The following PDXDC1 variants were observed in gnomAD, a reference collection of about 807,000 sequenced individuals.
PDXDC1 encodes pyridoxal-dependent decarboxylase domain-containing protein 1.
A neutral mutation model predicts 100.1 loss-of-function variants in PDXDC1; 42 were observed. The ratio of observed to expected loss-of-function variants is 0.42; its 90% confidence interval spans 0.33 to 0.54. The LOEUF is 0.54. PDXDC1 is among the 20% of genes least tolerant of loss of function. The probability of loss-of-function intolerance (pLI) is 0.10; values close to 1 mark genes in which losing one functional copy is unlikely to be tolerated. For synonymous variants in PDXDC1, 260 were observed against 371.7 expected, an observed-to-expected ratio of 0.70 and a Z score of 3.46; for missense variants, 636 against 979.2, an observed-to-expected ratio of 0.65 and a Z score of 4.68.
At chr16:15,060,103 C>G in intron 16 of PDXDC1, 1 of 336,500 alleles carries the variant, frequency 3.0e-6, no homozygotes, top group Non-Finnish European at 5.9e-6. Context: ...TTCATTTTCA[C>G]CATGGATTTT....
chr16:15,038,411 C>A, downstream of PDXDC1: 1 of 623,138 alleles, frequency 1.6e-6, no homozygotes, highest in South Asian at 2.1e-5. Flanking sequence ...CTTGACATAT[C>A]CCCATTTGAT....
chr16:15,010,449 A>G (rs1045790522), intron 8 of PDXDC1: 2 of 154,626 alleles, frequency 1.3e-5, no homozygotes, highest in African/African-American at 4.8e-5. Context: ...CAGAAGTTCA[A>G]TACCAGTCTG....
At chr16:15,094,296 C>T (rs2046268618) in intron 16 of PDXDC1, 1 of 1,387,450 alleles carries the variant, frequency 7.2e-7, no homozygotes, top group South Asian at 1.3e-5. Flanking sequence ...CAGCCACAGC[C>T]TCTGTCCCGG....
intron 16 of PDXDC1, among the ~76,000 whole-genome samples, chr16:15,072,344 C>T (rs1470949085): frequency 6.6e-6 from 1 of 151,980 alleles, no homozygotes; most frequent in African/African-American, 2.4e-5. Flanking sequence ...CAACTCAACC[C>T]TTGGAAAGAA....
intron 16 of PDXDC1, among the ~76,000 whole-genome samples, chr16:15,046,651 A>C (rs2044076789): frequency 1.3e-5 from 2 of 149,704 alleles, no homozygotes; most frequent in African/African-American, 4.9e-5. Context: ...CTTGAGCCCA[A>C]GAGTTTAAGA....
intron 1 of PDXDC1, among the ~76,000 whole-genome samples, chr16:14,992,950 C>G: frequency 6.6e-6 from 1 of 152,190 alleles, no homozygotes; most frequent in Non-Finnish European, 1.5e-5. Context: ...CTCCCAGGCT[C>G]AAGCGATCCT....
chr16:14,984,231 C>A (rs947726108), intron 1 of PDXDC1, among the ~76,000 whole-genome samples: 1 of 151,282 alleles, frequency 6.6e-6, no homozygotes, highest in African/African-American at 2.4e-5. Flanking sequence ...GAAAATGTCC[C>A]TATGTCCCTT....
chr16:15,036,284 G>C lies in PDXDC1; in HGVS notation c.*9G>C, dbSNP rs769970882. ...CGGAGAGCTTAAGATGAGACTCATTGTGTGGTTTGAGACTGTACTGAGTAT... is the reference window on the plus strand; with the variant it reads ...CGGAGAGCTTAAGATGAGACTCATTCTGTGGTTTGAGACTGTACTGAGTAT... On this transcript the variant is annotated 3_prime_UTR_variant, in exon 23 of 23. Transcript: ENST00000396410. 6.2e-7 allele frequency: 1 copy of C among 1,611,880 alleles called. No individual in the cohort carries two copies. Among genetic ancestry groups the C allele is most frequent in the East Asian group, 2.2e-5 (1 of 44,874 alleles).
rs564359166 is a variant in PDXDC1, at chr16:15,132,805, C to G, written c.1400-6074C>G. 4.9e-5 allele frequency: 65 copies of G among 1,319,468 alleles called. No individual in the cohort carries two copies. The South Asian group carries it at 7.1e-4, about 14-fold the overall frequency. The allele number at this position is 1,319,468 out of a possible 1,614,324, so 81.7% of individuals were successfully genotyped here. On this transcript the variant is annotated intron_variant, in intron 16 of 16. Coordinates refer to the PDXDC1 transcript ENST00000535621. ...GGGACACCAGAGTCTCCGTGATGTT[C>G]TTGCGTATCTGGGCTCGGCGCTGCC...
chr16:15,031,628 C>G, intron 16 of PDXDC1, 107 bp from the exon 17 acceptor site: 1 of 890,806 alleles, frequency 1.1e-6, no homozygotes, highest in East Asian at 2.4e-5. Flanking sequence ...CTCCCGGTAA[C>G]TGGAGTACCT....
At chr16:15,133,991 C>T in intron 16 of PDXDC1, 1 of 1,359,682 alleles carries the variant, frequency 7.4e-7, no homozygotes, top group South Asian at 1.2e-5. Context: ...GCCGCAGCAC[C>T]AGTCACATGC....
intron 13 of PDXDC1, chr16:15,026,423 T>A: frequency 1.8e-6 from 1 of 566,560 alleles, no homozygotes; most frequent in East Asian, 3.0e-5. Flanking sequence ...GTCAAACATC[T>A]TATAATTCAC....
chr16:15,003,412 T>C (rs988182033), intron 4 of PDXDC1, among the ~76,000 whole-genome samples: 1 of 152,160 alleles, frequency 6.6e-6, no homozygotes, highest in African/African-American at 2.4e-5. Context: ...GAGATGGGGT[T>C]TCACCATGTT....
chr16:15,063,572 G>C (rs530162107), intron 16 of PDXDC1, among the ~76,000 whole-genome samples: 1 of 151,812 alleles, frequency 6.6e-6, no homozygotes, highest in African/African-American at 2.4e-5. Flanking sequence ...GCCGGGTGTG[G>C]TGGCGGACAC....
intron 16 of PDXDC1, among the ~76,000 whole-genome samples, chr16:15,064,619 T>G (rs1445963544): frequency 2.0e-5 from 3 of 152,222 alleles, no homozygotes; most frequent in Non-Finnish European, 4.4e-5. Flanking sequence ...TAACCTTACA[T>G]GTTTAAATAA....
the PDXDC1 span, among the ~76,000 whole-genome samples, chr16:15,148,217 A>T: frequency 6.6e-6 from 1 of 151,030 alleles, no homozygotes; most frequent in African/African-American, 2.4e-5. Context: ...CTGCTCTCCT[A>T]AAGTGCTGGG....
At chr16:15,080,263 G>A (rs1597956036) in intron 16 of PDXDC1, among the ~76,000 whole-genome samples, 2 of 152,178 alleles carry the variant, frequency 1.3e-5, no homozygotes, top group East Asian at 3.9e-4. Context: ...ATTATGTTCG[G>A]TATAATCATT....
chr16:15,102,629 AC>A (rs1390700193), intron 16 of PDXDC1, among the ~76,000 whole-genome samples: 2 of 151,258 alleles, frequency 1.3e-5, no homozygotes, highest in Non-Finnish European at 2.9e-5. Flanking sequence ...AGGAATCATT[AC>A]CCAAGACGGG....
At chr16:14,991,290 TGTGTGTGTGTG>T in intron 1 of PDXDC1, among the ~76,000 whole-genome samples, 2 of 149,036 alleles carry the variant, frequency 1.3e-5, no homozygotes, top group Admixed American at 7.0e-5. Flanking sequence ...TGTGTGTGTG[TGTGTGTGTGTG>T]TGTGTATTTG....
Sources: allele counts gnomAD v4.1 joint callset (sites outside exome capture counted in the v4.1 genomes callset), GRCh38; gene constraint gnomAD v4.1.1; transcripts MANE v1.5; gene names NCBI Gene and HGNC (gene_info 2026-07-23, HGNC 2026-07-21).